The following CASP10 variants were observed in gnomAD, a reference collection of about 807,000 sequenced individuals.
CASP10 encodes the protein caspase-10.
CASP10 carries 41 observed loss-of-function variants against 48.5 expected under a neutral mutation model. The ratio of observed to expected loss-of-function variants is 0.85; its 90% CI spans 0.66 to 1.10. The LOEUF is 1.10. Among genes scored for constraint, CASP10 ranks in the 50% least tolerant of loss-of-function variants. The probability of loss-of-function intolerance (pLI) is 0.00; values close to 1 mark genes in which losing one functional copy is unlikely to be tolerated. For synonymous variants in CASP10, 232 were observed against 238.4 expected (o/e 0.97, Z 0.25); for missense variants, 614 against 614.5 (o/e 1.00, Z 0.01).
In CASP10 at chr2:201,185,867, C is replaced by G; in HGVS notation, c.90C>G (p.Asn30Lys). 1 of 1,614,046 alleles carries G rather than the reference C, an allele frequency of 6.2e-7. No homozygotes were observed. The highest frequency in any genetic ancestry group is 8.5e-7 in the Non-Finnish European group (1 of 1,179,946). ...AGAAGCTTCTGATTATTGATTCAAA[C>G]CTGGGGGTCCAAGATGTGGAGAACC... The part of the protein sequence containing the change: ...FREKLLIIDS[N>K]LGVQDVENLK... Residue 30 changes from asparagine to lysine, a missense_variant, in exon 2 of 10, where the codon AAC becomes AAG. Physicochemically the swap from Asn to Lys is moderately conservative, Grantham distance 94 (BLOSUM62 0). Coordinates refer to ENST00000286186, the MANE Select transcript of CASP10 (RefSeq NM_032977.4).
At position 201,218,867 on chromosome 2, in the gene CASP10, G is replaced by A; in HGVS notation, c.*1126G>A. 1 of 985,456 alleles carries A rather than the reference G, an allele frequency of 1.0e-6. No homozygotes were observed. Among genetic ancestry groups the A allele is most frequent in the Non-Finnish European group, 1.2e-6 (1 of 829,952 alleles). The allele number at this position is 985,456 out of a possible 1,614,324, so 61.0% of individuals were successfully genotyped here. Reference sequence around the variant, plus strand: ...TTTCCTGCTTTTGTGTAAGGAAGGTGCTCACATAGGAAGTTTTTATTTGGT... The same window carrying A: ...TTTCCTGCTTTTGTGTAAGGAAGGTACTCACATAGGAAGTTTTTATTTGGT... On this transcript the variant is annotated 3_prime_UTR_variant, in exon 10 of 10. Coordinates refer to ENST00000286186, the MANE Select transcript of CASP10 (RefSeq NM_032977.4).
In CASP10 at chr2:201,209,239, C is replaced by T; in HGVS notation, c.1092C>T (p.Val364=). The T allele has an allele frequency of 2.5e-6, 4 of 1,614,184 alleles. No homozygotes were observed. In the South Asian group the frequency reaches 3.3e-5, roughly 13 times the overall value. Residue 364 remains valine, a synonymous_variant, in exon 9 of 10, where the codon GTC becomes GTT. Transcript: ENST00000286186. ...CILTHGRFGA[V]YSSDEALIPI... is the part of the protein sequence containing the mutation. ...TGACCCATGGGAGATTTGGAGCTGT[C>T]TACTCTTCGGATGAGGCCCTCATTC...
chr2:201,226,752 T>A (rs1006099012), intron 9 of CASP10, among the ~76,000 whole-genome samples: 3 of 151,968 alleles, frequency 2.0e-5, no homozygotes, highest in Non-Finnish European at 4.4e-5. Context: ...GGAGGATAGA[T>A]AAATTGTGGT....
chr2:201,188,729 G>A (rs190932114), intron 3 of CASP10, among the ~76,000 whole-genome samples: 70 of 152,122 alleles, frequency 4.6e-4, no homozygotes, highest in Admixed American at 3.9e-4. Context: ...GGTCAGATCC[G>A]TTTGGCAAGA....
intron 1 of CASP10, among the ~76,000 whole-genome samples, chr2:201,184,072 T>G (rs187240065): frequency 5.3e-5 from 8 of 152,162 alleles, no homozygotes; most frequent in African/African-American, 1.9e-4. Context: ...ATTTTTGTAT[T>G]TTTTGTAGAG....
chr2:201,192,683 A>T (rs1440417961), intron 3 of CASP10, among the ~76,000 whole-genome samples: 1 of 152,106 alleles, frequency 6.6e-6, no homozygotes, highest in Non-Finnish European at 1.5e-5. Context: ...CAATTATTTC[A>T]TCTTTAAAAT....
intron 9 of CASP10, among the ~76,000 whole-genome samples, chr2:201,210,211 C>T (rs929674676): frequency 3.3e-5 from 5 of 152,236 alleles, no homozygotes; most frequent in African/African-American, 1.2e-4. Context: ...AGCTTCCCTT[C>T]TGTCTCTGCC....
At chr2:201,202,933 G>A (rs527271884) in intron 5 of CASP10, among the ~76,000 whole-genome samples, 7 of 152,188 alleles carry the variant, frequency 4.6e-5, no homozygotes, top group East Asian at 3.9e-4. Flanking sequence ...CACCTCGATT[G>A]CCATTTTTAT....
intron 2 of CASP10, 39 bp from the exon 3 acceptor site, chr2:201,187,667 G>A: frequency 2.1e-6 from 3 of 1,437,346 alleles, no homozygotes; most frequent in Non-Finnish European, 2.0e-6. Flanking sequence ...TCCTCCACAA[G>A]TGTAAGGCTT....
Position 201,217,638 on chromosome 2 carries a change from G to A in CASP10, c.1466G>A (p.Arg489Gln), listed in dbSNP as rs535121774. ...ACTGCTGTCAACGATGATGTGAGTC[G>A]AAGAGTGGACAAACAGGGAACAAAG... ...ILTAVNDDVS[R>Q]RVDKQGTKKQ... Residue 489 changes from arginine (R) to glutamine (Q), a missense_variant, in exon 10 of 10, where the codon CGA becomes CAA. Coordinates refer to ENST00000286186, the MANE Select transcript of CASP10 (RefSeq NM_032977.4). 3.1e-5 allele frequency: 50 copies of A among 1,614,150 alleles called. No homozygotes were observed. Among genetic ancestry groups the A allele is most frequent in the East Asian group, 2.7e-4 (12 of 44,866 alleles).
At chr2:201,184,915 AT>A (rs1193186545) in intron 1 of CASP10, among the ~76,000 whole-genome samples, 1 of 152,136 alleles carries the variant, frequency 6.6e-6, no homozygotes, top group Non-Finnish European at 1.5e-5. Context: ...GACTCATGTA[AT>A]TTTTAACTTC....
chr2:201,202,978 A>AT (rs1945073218), intron 5 of CASP10, among the ~76,000 whole-genome samples: 1 of 152,138 alleles, frequency 6.6e-6, no homozygotes. Context: ...TTTTGAAAAA[A>AT]ATCCAACGTA....
At position 201,218,751 on chromosome 2, in the gene CASP10, C is replaced by G; in HGVS notation, c.*1010C>G. ...CCTTAAACATTGGACAGTGAGGTCA[C>G]AGTCCACCCACCCTCTCTCTGATCT... is the stretch of plus-strand genomic sequence containing the variant. On this transcript the variant is annotated 3_prime_UTR_variant, in exon 10 of 10. Coordinates refer to ENST00000286186, the MANE Select transcript of CASP10 (RefSeq NM_032977.4). 1.0e-6 allele frequency: 1 copy of G among 985,496 alleles called. No homozygotes were observed. The highest frequency in any genetic ancestry group is 1.2e-6 in the Non-Finnish European group (1 of 829,998). The allele number at this position is 985,496 out of a possible 1,614,324, so 61.0% of individuals were successfully genotyped here. A position where few individuals can be genotyped will look rare whatever the true frequency, so the allele number is the denominator to read the frequency against.
chr2:201,184,983 A>T (rs189515985), intron 1 of CASP10, among the ~76,000 whole-genome samples: 2 of 151,922 alleles, frequency 1.3e-5, no homozygotes, highest in Admixed American at 1.3e-4. Flanking sequence ...GAGGTCTAGG[A>T]TATTTTATTT....
At chr2:201,204,813 G>A (rs945366751) in intron 6 of CASP10, among the ~76,000 whole-genome samples, 4 of 152,170 alleles carry the variant, frequency 2.6e-5, no homozygotes, top group African/African-American at 9.7e-5. Context: ...ACATTTAGAC[G>A]TGACTTCCCG....
intron 9 of CASP10, chr2:201,228,851 C>T (rs542610450): frequency 5.6e-5 from 71 of 1,264,868 alleles, no homozygotes; most frequent in African/African-American, 5.3e-4. Flanking sequence ...AAAGCTATGC[C>T]GGGGTCCAGC....
chr2:201,214,882 C>CTGAT (rs1490889299), intron 9 of CASP10: 2 of 151,992 alleles, frequency 1.3e-5, no homozygotes, highest in African/African-American at 2.4e-5. Context: ...TTAGGTGGGA[C>CTGAT]TGATAGACTA....
chr2:201,225,475 C>T (rs889108945), downstream of CASP10, among the ~76,000 whole-genome samples: 4 of 152,120 alleles, frequency 2.6e-5, no homozygotes, highest in Admixed American at 2.0e-4. Context: ...GTGACATTTC[C>T]CTGGTTATAT....
In CASP10 at chr2:201,220,031, ATTAT is replaced by A. The variant is rs1159052814; in HGVS notation, c.*2295_*2298del. The A allele has an allele frequency of 1.0e-5, 10 of 985,360 alleles. No homozygotes were observed. Among genetic ancestry groups the A allele is most frequent in the Non-Finnish European group, 1.1e-5 (9 of 829,928 alleles). The allele number at this position is 985,360 out of a possible 1,614,324, so 61.0% of individuals were successfully genotyped here. A position where few individuals can be genotyped will look rare whatever the true frequency, so the allele number is the denominator to read the frequency against. On this transcript the variant is annotated 3_prime_UTR_variant, in exon 10 of 10. Coordinates refer to ENST00000286186, the MANE Select transcript of CASP10 (RefSeq NM_032977.4). ...ACTCTCAGTGGTGCCTGCATTTATAATTATTTATGTGAAAGTCAAATTCATGTAC... is the reference window on the plus strand; with the variant it reads ...ACTCTCAGTGGTGCCTGCATTTATAATTATGTGAAAGTCAAATTCATGTAC...
Sources: gnomAD v4.1 joint callset for allele counts (sites outside exome capture counted in the v4.1 genomes callset) on GRCh38, gnomAD v4.1.1 for gene constraint, MANE v1.5 for transcripts, NCBI Gene and HGNC (gene_info 2026-07-23, HGNC 2026-07-21) for gene names.